TFAP2E: variants seen among roughly 807,000 people sequenced by gnomAD.
The protein encoded by TFAP2E is transcription factor AP-2-epsilon.
In TFAP2E, 30 loss-of-function variants were observed where a neutral mutation model predicts 37.9. That is an observed-to-expected ratio of 0.79 (90% CI 0.59 to 1.07). The LOEUF is 1.07. Among genes scored for constraint, TFAP2E ranks in the 50% least tolerant of loss-of-function variants. TFAP2E has a pLI of 0.00. For missense variants in TFAP2E, 567 were observed against 637.9 expected, an observed-to-expected ratio of 0.89 and a Z score of 1.20; for synonymous variants, 318 against 295.8, an observed-to-expected ratio of 1.08 and a Z score of -0.77.
At position 35,594,520 on chromosome 1, in the gene TFAP2E, T is replaced by C; in HGVS notation, c.1173T>C (p.His391=). 6.2e-7 allele frequency: 1 copy of C among 1,614,206 alleles called. No individual in the cohort carries two copies. The highest frequency in any genetic ancestry group is 8.5e-7 in the Non-Finnish European group (1 of 1,180,032). Residue 391 remains histidine, a synonymous_variant, in exon 7 of 7, where the codon CAT becomes CAC. Coordinates refer to ENST00000373235, the MANE Select transcript of TFAP2E (RefSeq NM_178548.4). Reference sequence around the variant, plus strand: ...TGACACACTTTAGCCTCATCACCCATGGCTTCGGTGGGCCTGCCATCTGTG... The same window carrying C: ...TGACACACTTTAGCCTCATCACCCACGGCTTCGGTGGGCCTGCCATCTGTG... ...SCLTHFSLIT[H]GFGGPAICAA... is the part of the protein sequence containing the mutation.
At chr1:35,576,124 A>C (rs1034751354) in intron 3 of TFAP2E, among the ~76,000 whole-genome samples, 2 of 152,196 alleles carry the variant, frequency 1.3e-5, no homozygotes, top group Non-Finnish European at 2.9e-5. Flanking sequence ...GAGTGAATTC[A>C]AGCCTGGGCT....
At position 35,573,938 on chromosome 1, in the gene TFAP2E, C is replaced by A; in HGVS notation, c.39C>A (p.Asp13Glu). The change falls in exon 2 of 7, where the codon GAC (aspartate) becomes GAA (glutamate). Residue 13 changes from aspartate to glutamate, a missense_variant. Coordinates refer to ENST00000373235, the MANE Select transcript of TFAP2E (RefSeq NM_178548.4). The surrounding 1 kb of genome is among the most constrained non-coding windows in gnomAD (Gnocchi z 5.9). ...VHTYSAMERP[D>E]GLGAAAGGAR... ...CTCTCCTTCCCCAGGAGCGCCCCGA[C>A]GGGCTGGGAGCAGCTGCCGGCGGGG... 1 of 1,444,920 alleles carries A rather than the reference C, an allele frequency of 6.9e-7. No homozygotes were observed. Among genetic ancestry groups the A allele is most frequent in the Non-Finnish European group, 9.0e-7 (1 of 1,113,246 alleles). The allele number at this position is 1,444,920 out of a possible 1,614,324, so 89.5% of individuals were successfully genotyped here. A position where few individuals can be genotyped will look rare whatever the true frequency, so the allele number is the denominator to read the frequency against.
At position 35,574,194 on chromosome 1, in the gene TFAP2E, G is replaced by T. The variant is rs1197892587; in HGVS notation, c.295G>T (p.Ala99Ser). The stretch of plus-strand genomic sequence containing the variant: ...GGCGCAGCCGCAGCCTCCTCAGGCC[G>T]CCTGGGCCGCGCCCCGCGCAGCCGC... Reference protein sequence around the residue: ...PLAQPQPPQAAWAAPRAAARA... With the variant: ...PLAQPQPPQASWAAPRAAARA... The change falls in exon 2 of 7, where the codon GCC (alanine) becomes TCC (serine). Residue 99 changes from alanine (A) to serine (S), a missense_variant. Transcript: ENST00000373235. The T allele has an allele frequency of 3.0e-6, 4 of 1,332,910 alleles. No individual in the cohort carries two copies. Among genetic ancestry groups the T allele is most frequent in the African/African-American group, 1.6e-5 (1 of 62,496 alleles). 82.6% of individuals were successfully genotyped at this position (1,332,910 alleles called of 1,614,324 possible). A position where few individuals can be genotyped will look rare whatever the true frequency, so the allele number is the denominator to read the frequency against.
intron 3 of TFAP2E, among the ~76,000 whole-genome samples, chr1:35,575,937 C>G (rs986185902): frequency 1.3e-5 from 2 of 152,088 alleles, no homozygotes; most frequent in African/African-American, 4.8e-5. Context: ...AGGTGAGAGA[C>G]GACAAAAACA....
chr1:35,593,949 T>C (rs954790683), intron 6 of TFAP2E, among the ~76,000 whole-genome samples: 4 of 152,192 alleles, frequency 2.6e-5, no homozygotes, highest in Admixed American at 6.5e-5. Flanking sequence ...GACAGTGTGG[T>C]TGGCACAGCA....
chr1:35,587,924 C>T (rs955819162), intron 3 of TFAP2E, among the ~76,000 whole-genome samples: 4 of 152,080 alleles, frequency 2.6e-5, no homozygotes, highest in African/African-American at 9.7e-5. Context: ...AGAGGAAAAA[C>T]GTGGGAATCA....
At chr1:35,575,035 G>T in intron 3 of TFAP2E, 35 bp downstream of exon 3, 1 of 1,613,330 alleles carries the variant, frequency 6.2e-7, no homozygotes, top group South Asian at 1.1e-5. Flanking sequence ...AGCCCGGCGA[G>T]ATGGTGCAGG....
rs1326280350 is a variant in TFAP2E at position 35,589,972 on chromosome 1, A to G, written c.828A>G (p.Leu276=). 3 of 1,614,100 alleles carry G rather than the reference A, an allele frequency of 1.9e-6. No individual in the cohort carries two copies. The highest frequency in any genetic ancestry group is 2.5e-6 in the Non-Finnish European group (3 of 1,179,962). The change falls in exon 5 of 7, where the codon TTA becomes TTG. Residue 276 remains leucine (L), a synonymous_variant. Transcript: ENST00000373235. ...GGGGCCGGTGTTTGCGGGAACGGTT[A>G]GAGAAGATTGGGCTCAACCTGCCAG... is the stretch of plus-strand genomic sequence containing the variant. ...KNGGRCLRER[L]EKIGLNLPAG...
intron 3 of TFAP2E, among the ~76,000 whole-genome samples, 154 bp downstream of exon 3, chr1:35,575,154 G>A (rs1485916254): frequency 1.3e-5 from 2 of 152,212 alleles, no homozygotes; most frequent in South Asian, 4.1e-4. Context: ...AGGCAGACGT[G>A]CGGGCTTGGT....
chr1:35,594,181 G>A (rs1557440507), intron 6 of TFAP2E, among the ~76,000 whole-genome samples: 1 of 152,176 alleles, frequency 6.6e-6, no homozygotes, highest in Non-Finnish European at 1.5e-5. Context: ...ATCGACATGT[G>A]CTGTTTATTA....
Position 35,590,182 on chromosome 1 carries a change from C to T in TFAP2E, c.904+134C>T, listed in dbSNP as rs991780007. ...GTGTAAGTGTTGCAGTATCTGTGTG[C>T]GTATTCTCTGTCATGTATAAGGTGT... On this transcript the variant is annotated intron_variant, in intron 5 of 6. Coordinates refer to ENST00000373235, the MANE Select transcript of TFAP2E (RefSeq NM_178548.4). The surrounding 1 kb of genome is among the most constrained non-coding windows in gnomAD (Gnocchi z 6.2). 4.4e-5 allele frequency: 36 copies of T among 811,804 alleles called. No individual in the cohort carries two copies. Among genetic ancestry groups the T allele is most frequent in the Middle Eastern group, 3.0e-4 (1 of 3,338 alleles). The allele number at this position is 811,804 out of a possible 1,614,324, so 50.3% of individuals were successfully genotyped here.
intron 3 of TFAP2E, among the ~76,000 whole-genome samples, chr1:35,580,630 C>T (rs1037098663): frequency 3.3e-5 from 5 of 152,054 alleles, no homozygotes; most frequent in African/African-American, 1.2e-4. Context: ...AAAACATTAG[C>T]TGGGCGTGGT....
Position 35,573,650 on chromosome 1 carries a change from C to T in TFAP2E, c.27+46C>T. ...GACATATTCGGCCGGGGGATCGGGG[C>T]GCCTGAGTGCTGGACTTTCCAACCC... is the stretch of plus-strand genomic sequence containing the variant. On this transcript the variant is annotated intron_variant, in intron 1 of 6. Coordinates refer to ENST00000373235, the MANE Select transcript of TFAP2E (RefSeq NM_178548.4). This position sits in a 1 kb window ranked among gnomAD's most constrained non-coding sequence, Gnocchi z 5.9. The T allele has an allele frequency of 6.5e-7, 1 of 1,535,056 alleles. No individual in the cohort carries two copies. The highest frequency in any genetic ancestry group is 1.2e-5 in the South Asian group (1 of 82,440).
At position 35,577,328 on chromosome 1, in the gene TFAP2E, C is replaced by G; in HGVS notation, c.562+2328C>G. 4.4e-6 allele frequency: 2 copies of G among 456,086 alleles called. No homozygotes were observed. Among genetic ancestry groups the G allele is most frequent in the Non-Finnish European group, 8.8e-6 (2 of 226,544 alleles). 28.3% of individuals were successfully genotyped at this position (456,086 alleles called of 1,614,324 possible). ...CGCCCCCAGCAGTTTTCACCTTGGCCCTCCGCGGTCACTGCGGGATTCGGC... is the reference window on the plus strand; with the variant it reads ...CGCCCCCAGCAGTTTTCACCTTGGCGCTCCGCGGTCACTGCGGGATTCGGC... On this transcript the variant is annotated intron_variant, in intron 3 of 6. Coordinates refer to ENST00000373235, the MANE Select transcript of TFAP2E (RefSeq NM_178548.4). The surrounding 1 kb of genome is among the most constrained non-coding windows in gnomAD (Gnocchi z 6.3).
At chr1:35,580,135 G>A (rs955948693) in intron 3 of TFAP2E, among the ~76,000 whole-genome samples, 2 of 152,106 alleles carry the variant, frequency 1.3e-5, no homozygotes, top group African/African-American at 4.8e-5. Context: ...GCTTGAACCC[G>A]GGAGGCGGAG....
Position 35,577,754 on chromosome 1 carries a change from T to C in TFAP2E, c.562+2754T>C, listed in dbSNP as rs1006545399. The C allele has an allele frequency of 4.0e-6, 1 of 250,986 alleles. No homozygotes were observed. The highest frequency in any genetic ancestry group is 8.3e-6 in the Non-Finnish European group (1 of 121,138). The allele number at this position is 250,986 out of a possible 1,614,324, so 15.5% of individuals were successfully genotyped here. ...CAGACCTGGGTTGGAAAAGCTTCGC[T>C]GACTGCAGGCAAGCGTCCGGGAGGG... On this transcript the variant is annotated intron_variant, in intron 3 of 6. Coordinates refer to ENST00000373235, the MANE Select transcript of TFAP2E (RefSeq NM_178548.4). This position sits in a 1 kb window ranked among gnomAD's most constrained non-coding sequence, Gnocchi z 6.3.
chr1:35,582,920 T>G (rs1327856198), intron 3 of TFAP2E, among the ~76,000 whole-genome samples: 1 of 152,134 alleles, frequency 6.6e-6, no homozygotes, highest in Non-Finnish European at 1.5e-5. Context: ...TCTTTTTTTT[T>G]TGAGACCAGT....
chr1:35,573,932 C>T lies in TFAP2E; in HGVS notation c.33C>T (p.Arg11=). 6.9e-7 allele frequency: 1 copy of T among 1,457,536 alleles called. No individual in the cohort carries two copies. The highest frequency in any genetic ancestry group is 8.9e-7 in the Non-Finnish European group (1 of 1,121,392). 90.3% of individuals were successfully genotyped at this position (1,457,536 alleles called of 1,614,324 possible). A position where few individuals can be genotyped will look rare whatever the true frequency, so the allele number is the denominator to read the frequency against. MLVHTYSAME[R]PDGLGAAAGG... ...GCACCCCTCTCCTTCCCCAGGAGCG[C>T]CCCGACGGGCTGGGAGCAGCTGCCG... is the stretch of plus-strand genomic sequence containing the variant. Residue 11 remains arginine (R), a synonymous_variant, in exon 2 of 7, where the codon CGC becomes CGT. Coordinates refer to ENST00000373235, the MANE Select transcript of TFAP2E (RefSeq NM_178548.4). This position sits in a 1 kb window ranked among gnomAD's most constrained non-coding sequence, Gnocchi z 5.9.
intron 3 of TFAP2E, among the ~76,000 whole-genome samples, chr1:35,585,455 C>T (rs1312767381): frequency 2.0e-5 from 3 of 152,204 alleles, no homozygotes; most frequent in African/African-American, 7.2e-5. Flanking sequence ...AGCCCCTCCT[C>T]CCTTGAAGCC....
Sources: allele counts gnomAD v4.1 joint callset (sites outside exome capture counted in the v4.1 genomes callset), GRCh38; gene constraint gnomAD v4.1.1; non-coding constraint Gnocchi (gnomAD v3.1); transcripts MANE v1.5; gene names NCBI Gene and HGNC (gene_info 2026-07-23, HGNC 2026-07-21).